Variants in CCSER1 observed in about 807,000 individuals in gnomAD.
CCSER1 encodes coiled-coil serine rich protein 1, also known as serine-rich coiled-coil domain-containing protein 1.
CCSER1 carries 41 observed loss-of-function variants against 82.0 expected under a neutral mutation model. That is an observed-to-expected ratio of 0.50 (90% CI 0.39 to 0.65). The LOEUF (loss-of-function observed/expected upper bound fraction) is 0.65, where lower values mean the gene tolerates loss of function less well. Among genes scored for constraint, CCSER1 ranks in the 30% least tolerant of loss-of-function variants. CCSER1 has a pLI of 0.00. For synonymous variants in CCSER1, 414 were observed against 383.9 expected, an observed-to-expected ratio of 1.08 and a Z score of -0.92; for missense variants, 1,119 against 1,064.2, an observed-to-expected ratio of 1.05 and a Z score of -0.72.
intron 1 of CCSER1, among the ~76,000 whole-genome samples, chr4:90,128,494 C>CGTGTGTGTGTGTGTGT (rs147426828): frequency 6.7e-6 from 1 of 149,956 alleles, no homozygotes; most frequent in South Asian, 2.1e-4. Flanking sequence ...AGGTTGTGTG[C>CGTGTGTGTGTGTGTGT]GTGTGTGTGT....
intron 8 of CCSER1, among the ~76,000 whole-genome samples, chr4:90,842,006 G>T (rs2149878467): frequency 6.7e-6 from 1 of 149,216 alleles, no homozygotes; most frequent in Non-Finnish European, 1.5e-5. Flanking sequence ...CCTGCATATT[G>T]ACGTATTTAC....
intron 6 of CCSER1, among the ~76,000 whole-genome samples, chr4:90,708,806 C>T (rs1443847016): frequency 2.0e-5 from 3 of 152,182 alleles, no homozygotes; most frequent in South Asian, 4.2e-4. Context: ...TAAAAGTTAA[C>T]GAATTGGTAA....
At chr4:90,609,560 A>T (rs1237311861) in intron 5 of CCSER1, among the ~76,000 whole-genome samples, 1 of 152,068 alleles carries the variant, frequency 6.6e-6, no homozygotes, top group Non-Finnish European at 1.5e-5. Context: ...TTCAGTGGGA[A>T]TACATGACAC....
intron 1 of CCSER1, among the ~76,000 whole-genome samples, chr4:90,265,930 G>T (rs1002029443): frequency 5.9e-5 from 9 of 152,058 alleles, no homozygotes; most frequent in Admixed American, 1.3e-4. Context: ...GTTTAGTTCT[G>T]TTGTAGCCTT....
At chr4:90,369,559 A>G (rs1401086852) in intron 3 of CCSER1, among the ~76,000 whole-genome samples, 1 of 152,028 alleles carries the variant, frequency 6.6e-6, no homozygotes, top group African/African-American at 2.4e-5. Flanking sequence ...TTTTCTTGGA[A>G]ACCTTTAACT....
At chr4:90,476,055 TGTGTGG>T (rs768914990) in intron 5 of CCSER1, among the ~76,000 whole-genome samples, 1 of 151,922 alleles carries the variant, frequency 6.6e-6, no homozygotes, top group Non-Finnish European at 1.5e-5. Context: ...TATGTGTGTG[TGTGTGG>T]GTGTGTGTGT....
chr4:91,266,995 A>T (rs1343980488), intron 10 of CCSER1, among the ~76,000 whole-genome samples: 1 of 152,144 alleles, frequency 6.6e-6, no homozygotes, highest in Non-Finnish European at 1.5e-5. Flanking sequence ...AACTTACTCA[A>T]ATATAGTTGA....
chr4:91,533,690 A>T (rs969015766), intron 10 of CCSER1, among the ~76,000 whole-genome samples: 1 of 152,078 alleles, frequency 6.6e-6, no homozygotes, highest in African/African-American at 2.4e-5. Flanking sequence ...GTTTGATTTA[A>T]TGCAGTTGAG....
At chr4:91,248,790 T>TA in intron 10 of CCSER1, among the ~76,000 whole-genome samples, 1 of 151,942 alleles carries the variant, frequency 6.6e-6, no homozygotes, top group Non-Finnish European at 1.5e-5. Context: ...CAATATTAAT[T>TA]ATTATTACAA....
intron 8 of CCSER1, among the ~76,000 whole-genome samples, chr4:90,887,006 A>T (rs1389789170): frequency 6.6e-6 from 1 of 152,188 alleles, no homozygotes; most frequent in East Asian, 1.9e-4. Flanking sequence ...TAATGAGGAG[A>T]TTTAAAAGGG....
intron 10 of CCSER1, among the ~76,000 whole-genome samples, chr4:91,259,496 G>T (rs1394167148): frequency 2.0e-5 from 3 of 151,936 alleles, no homozygotes; most frequent in African/African-American, 7.3e-5. Context: ...GAACATGCAG[G>T]TTTGTTACAT....
At chr4:90,723,177 A>G (rs565439066) in intron 6 of CCSER1, among the ~76,000 whole-genome samples, 169 of 152,128 alleles carry the variant, frequency 1.1e-3, no homozygotes, top group African/African-American at 4.0e-3. Flanking sequence ...TACTATTAGT[A>G]TATTTTTCTT....
intron 7 of CCSER1, among the ~76,000 whole-genome samples, chr4:90,797,581 A>G (rs1756215906): frequency 6.6e-6 from 1 of 152,020 alleles, no homozygotes; most frequent in Non-Finnish European, 1.5e-5. Flanking sequence ...ACTGATCTGT[A>G]ATTTAGTTTA....
chr4:91,497,886 T>A (rs1759008875), intron 10 of CCSER1, among the ~76,000 whole-genome samples: 1 of 151,910 alleles, frequency 6.6e-6, no homozygotes, highest in South Asian at 2.1e-4. Context: ...TCTAGAAGTA[T>A]CTTTGCCCCA....
chr4:90,810,038 TA>T (rs1473701111), intron 7 of CCSER1, among the ~76,000 whole-genome samples: 1 of 152,200 alleles, frequency 6.6e-6, no homozygotes, highest in African/African-American at 2.4e-5. Flanking sequence ...TCAGCTCAGA[TA>T]AGGGTGCCAG....
At chr4:90,532,982 T>G (rs1047245859) in intron 5 of CCSER1, among the ~76,000 whole-genome samples, 2 of 152,122 alleles carry the variant, frequency 1.3e-5, no homozygotes, top group African/African-American at 4.8e-5. Context: ...AGCTAGGTTT[T>G]TTAGTTTTGA....
intron 10 of CCSER1, among the ~76,000 whole-genome samples, chr4:91,304,619 G>C (rs1235558730): frequency 6.6e-6 from 1 of 151,992 alleles, no homozygotes; most frequent in South Asian, 2.1e-4. Flanking sequence ...ATGGAGGGCA[G>C]CCAGAATTTA....
chr4:91,456,526 A>C (rs764528035), intron 10 of CCSER1, among the ~76,000 whole-genome samples: 8 of 152,160 alleles, frequency 5.3e-5, no homozygotes, highest in Admixed American at 2.0e-4. Context: ...GTATTTTTCA[A>C]CTTGAAAGCC....
At chr4:90,900,879 G>T (rs1176523862) in intron 8 of CCSER1, among the ~76,000 whole-genome samples, 1 of 151,904 alleles carries the variant, frequency 6.6e-6, no homozygotes, top group Non-Finnish European at 1.5e-5. Flanking sequence ...GTTTAGTGCT[G>T]TTGGTGGGGT....
Sources: allele counts gnomAD v4.1 joint callset (sites outside exome capture counted in the v4.1 genomes callset), GRCh38; gene constraint gnomAD v4.1.1; transcripts MANE v1.5; gene names NCBI Gene and HGNC (gene_info 2026-07-23, HGNC 2026-07-21).